HNF4A: variants seen among roughly 807,000 people sequenced by gnomAD.
The protein encoded by HNF4A is hepatocyte nuclear factor 4 alpha, also known as hepatocyte nuclear factor 4-alpha.
In HNF4A, 15 loss-of-function variants were observed where a neutral mutation model predicts 52.4. The observed-to-expected ratio is 0.29, with a 90% CI of 0.19 to 0.44. The LOEUF is 0.44. Ranked by LOEUF, HNF4A falls within the 20% of genes least tolerant of loss-of-function variation. The pLI is 1.00. For missense variants in HNF4A, 479 were observed against 647.2 expected (o/e 0.74, Z 2.82); for synonymous variants, 280 against 264.4 (o/e 1.06, Z -0.57).
intron 1 of HNF4A, among the ~76,000 whole-genome samples, chr20:44,366,347 G>C (rs1393169308): frequency 6.6e-6 from 1 of 152,030 alleles, no homozygotes; most frequent in Non-Finnish European, 1.5e-5. Flanking sequence ...TTGGCCGGGC[G>C]CAGTGGCACA....
At chr20:44,379,196 A>G (rs1012865980) in intron 1 of HNF4A, among the ~76,000 whole-genome samples, 16 of 152,098 alleles carry the variant, frequency 1.1e-4, no homozygotes, top group Admixed American at 7.9e-4. Context: ...CCATTCATCC[A>G]TTGATTGACA....
At chr20:44,377,912 A>G (rs1182515240) in intron 1 of HNF4A, 2 of 152,178 alleles carry the variant, frequency 1.3e-5, no homozygotes, top group Non-Finnish European at 1.5e-5. Flanking sequence ...TCTAGGTAAC[A>G]TGCAGAGATG....
chr20:44,423,572 A>C (rs1369686845), intron 7 of HNF4A, among the ~76,000 whole-genome samples: 1 of 152,204 alleles, frequency 6.6e-6, no homozygotes, highest in Non-Finnish European at 1.5e-5. Context: ...ATTCTAACAC[A>C]GTAGAAGCAG....
At chr20:44,361,741 T>C (rs2062919901) in intron 1 of HNF4A, among the ~76,000 whole-genome samples, 2 of 151,674 alleles carry the variant, frequency 1.3e-5, no homozygotes, top group South Asian at 4.2e-4. Context: ...TTGCTTCAGA[T>C]CTTAAACTGT....
At chr20:44,405,600 G>A (rs78513670) in intron 1 of HNF4A, among the ~76,000 whole-genome samples, 187 of 152,258 alleles carry the variant, frequency 1.2e-3, no homozygotes, top group African/African-American at 4.0e-3. Context: ...AGTCTTTCTC[G>A]TTCCTCAGAG....
Position 44,419,702 on chromosome 20 carries a change from T to G in HNF4A, c.737-19T>G. ...ACCCAAGGTGACTTCCCATCCTCCC[T>G]CCCTCCCAACCCTTCCAGGCAATGA... On this transcript the variant is annotated intron_variant, in intron 6 of 9. Coordinates refer to ENST00000316099, the MANE Select transcript of HNF4A (RefSeq NM_000457.6). 8.6e-5 allele frequency: 74 copies of G among 855,818 alleles called. No individual in the cohort carries two copies. The highest frequency in any genetic ancestry group is 1.2e-4 in the Non-Finnish European group (67 of 544,036). The allele number at this position is 855,818 out of a possible 1,614,324, so 53.0% of individuals were successfully genotyped here. A position where few individuals can be genotyped will look rare whatever the true frequency, so the allele number is the denominator to read the frequency against.
intron 3 of HNF4A, among the ~76,000 whole-genome samples, chr20:44,408,443 G>A (rs1422445391): frequency 6.6e-6 from 1 of 152,204 alleles, no homozygotes; most frequent in Non-Finnish European, 1.5e-5. Flanking sequence ...AGTAACTTGA[G>A]GCCAGGCGCA....
intron 1 of HNF4A, among the ~76,000 whole-genome samples, chr20:44,404,580 T>G (rs191327304): frequency 1.3e-5 from 2 of 150,112 alleles, no homozygotes; most frequent in African/African-American, 4.9e-5. Context: ...GTGCACACAT[T>G]TGTATATGTG....
At chr20:44,386,558 G>A (rs1174756784) in intron 1 of HNF4A, among the ~76,000 whole-genome samples, 1 of 152,166 alleles carries the variant, frequency 6.6e-6, no homozygotes, top group Non-Finnish European at 1.5e-5. Context: ...TTTCTTGTAA[G>A]GGTAGAAGCC....
chr20:44,368,160 A>ATTTTTTTT lies in HNF4A; in HGVS notation c.49+12324_49+12331dup, dbSNP rs1181828023. Among the ~76,000 whole-genome samples the ATTTTTTTT allele has an allele frequency of 4.7e-4, 13 of 27,780 alleles. 3 individuals carry two copies. The highest frequency in any genetic ancestry group is 1.7e-3 in the Admixed American group (2 of 1,170). The allele number at this position is 27,780 out of a possible 152,430, so 18.2% of individuals were successfully genotyped here. A position where few individuals can be genotyped will look rare whatever the true frequency, so the allele number is the denominator to read the frequency against. ...TATATACATATATATATATATATAT[A>ATTTTTTTT]TTTTTTTTTTTTTTTTTTTTTTTTG... On this transcript the variant is annotated intron_variant, in intron 1 of 9. Transcript: ENST00000316673.
upstream of HNF4A, among the ~76,000 whole-genome samples, chr20:44,401,022 G>T (rs1024172803): frequency 2.6e-5 from 4 of 152,092 alleles, no homozygotes; most frequent in Non-Finnish European, 5.9e-5. Context: ...CGTGAGTCAT[G>T]ATGCCTGCCT....
intron 1 of HNF4A, among the ~76,000 whole-genome samples, chr20:44,386,877 TA>T (rs1324703978): frequency 6.6e-6 from 1 of 152,256 alleles, no homozygotes; most frequent in Non-Finnish European, 1.5e-5. Flanking sequence ...CCAAAATTTC[TA>T]CTATATGCAT....
intron 5 of HNF4A, among the ~76,000 whole-genome samples, chr20:44,417,543 C>G (rs1210867052): frequency 6.6e-6 from 1 of 152,128 alleles, no homozygotes. Flanking sequence ...AATGTCGATC[C>G]CTGGAGGGAT....
At chr20:44,407,534 G>A (rs563885374) in intron 3 of HNF4A, 59 bp downstream of exon 3, 46 of 1,132,482 alleles carry the variant, frequency 4.1e-5, no homozygotes, top group South Asian at 5.2e-5. Flanking sequence ...ACAGCTCCCC[G>A]ACAGTCATTT....
intron 1 of HNF4A, among the ~76,000 whole-genome samples, chr20:44,373,165 TA>T (rs2063051254): frequency 6.6e-6 from 1 of 152,108 alleles, no homozygotes; most frequent in African/African-American, 2.4e-5. Context: ...GATTTGTTTT[TA>T]AGAGATAGGG....
chr20:44,424,524 G>T, intron 8 of HNF4A: 1 of 1,046,772 alleles, frequency 9.6e-7, no homozygotes. Context: ...CCTCGGGGAG[G>T]CTGTGTGTGT....
At chr20:44,429,097 T>C (rs533028418) in intron 9 of HNF4A, among the ~76,000 whole-genome samples, 2 of 152,202 alleles carry the variant, frequency 1.3e-5, no homozygotes, top group Non-Finnish European at 1.5e-5. Context: ...CTATTACTCA[T>C]CTCCTAAATA....
In HNF4A at chr20:44,429,530, T is replaced by C; in HGVS notation, c.1290T>C (p.Pro430=). ...GTCTGTTTGTCCTTCCAGCCACCCC[T>C]GAGACCCCACAGCCCTCACCGCCAG... Residue 430 remains proline (P), a synonymous_variant, in exon 10 of 10, where the codon CCT becomes CCC. Coordinates refer to ENST00000316099, the MANE Select transcript of HNF4A (RefSeq NM_000457.6). 4 of 1,614,146 alleles carry C rather than the reference T, an allele frequency of 2.5e-6. No homozygotes were observed. The highest frequency in any genetic ancestry group is 3.4e-6 in the Non-Finnish European group (4 of 1,180,014).
chr20:44,430,333 C>T lies in HNF4A; in HGVS notation c.*668C>T, dbSNP rs1158407002. The T allele has an allele frequency of 6.6e-6, 1 of 152,512 alleles. No individual in the cohort carries two copies. Among genetic ancestry groups the T allele is most frequent in the East Asian group, 1.9e-4 (1 of 5,314 alleles). 9.4% of individuals were successfully genotyped at this position (152,512 alleles called of 1,614,324 possible). The stretch of plus-strand genomic sequence containing the variant: ...TGGTGAGGGAAGACGCCTTTCTCCT[C>T]CAACCCAACCTCATCCTCCTTCTTC... On this transcript the variant is annotated 3_prime_UTR_variant, in exon 10 of 10. Coordinates refer to ENST00000316099, the MANE Select transcript of HNF4A (RefSeq NM_000457.6).
Sources: gnomAD v4.1 joint callset for allele counts (sites outside exome capture counted in the v4.1 genomes callset) on GRCh38, gnomAD v4.1.1 for gene constraint, MANE v1.5 for transcripts, NCBI Gene and HGNC (gene_info 2026-07-23, HGNC 2026-07-21) for gene names.